TNS1: variants seen among roughly 807,000 people sequenced by gnomAD.
TNS1 encodes tensin 1.
Under a neutral mutation model 168.6 loss-of-function variants are expected in TNS1, and 62 were observed. That is an observed-to-expected ratio of 0.37 (90% CI 0.30 to 0.45). TNS1 has a LOEUF of 0.45. Among genes scored for constraint, TNS1 ranks in the 20% least tolerant of loss-of-function variants. The probability of loss-of-function intolerance (pLI) is 1.00; values close to 1 mark genes in which losing one functional copy is unlikely to be tolerated. For missense variants in TNS1, 2,240 were observed against 2,339.4 expected, an observed-to-expected ratio of 0.96 and a Z score of 0.88; for synonymous variants, 934 against 933.2, an observed-to-expected ratio of 1.00 and a Z score of -0.02.
chr2:217,927,408 G>A (rs567603718), intron 3 of TNS1, among the ~76,000 whole-genome samples: 1 of 152,296 alleles, frequency 6.6e-6, no homozygotes, highest in South Asian at 2.1e-4. Flanking sequence ...AATGCCCAGT[G>A]AAGGAGTTAA....
chr2:217,881,584 C>T (rs1010288684), intron 17 of TNS1: 1 of 153,988 alleles, frequency 6.5e-6, no homozygotes, highest in African/African-American at 2.4e-5. Flanking sequence ...CCACAGAAAA[C>T]CCAGCTCAGC....
intron 1 of TNS1, among the ~76,000 whole-genome samples, chr2:218,026,780 C>A (rs1958852658): frequency 6.6e-6 from 1 of 152,264 alleles, no homozygotes; most frequent in African/African-American, 2.4e-5. Context: ...CCCCTCCAAA[C>A]CCTCAAGGGC....
chr2:217,918,766 C>T (rs901549563), intron 4 of TNS1, among the ~76,000 whole-genome samples: 1 of 150,272 alleles, frequency 6.7e-6, no homozygotes, highest in Non-Finnish European at 1.5e-5. Flanking sequence ...CCGCCCTCCT[C>T]GGACTCCCAT....
chr2:217,833,061 A>G (rs1178575355), intron 21 of TNS1, among the ~76,000 whole-genome samples: 1 of 152,186 alleles, frequency 6.6e-6, no homozygotes, highest in Admixed American at 6.5e-5. Context: ...TGTCAAACCA[A>G]TGGCGGTTGA....
intron 17 of TNS1, chr2:217,881,734 A>G (rs1362367871): frequency 2.0e-5 from 3 of 152,288 alleles, no homozygotes; most frequent in Non-Finnish European, 4.4e-5. Context: ...AAGGTAAAAT[A>G]AAAATAAATA....
At chr2:217,971,112 A>G (rs1957764835) in intron 3 of TNS1, among the ~76,000 whole-genome samples, 1 of 152,198 alleles carries the variant, frequency 6.6e-6, no homozygotes, top group African/African-American at 2.4e-5. Flanking sequence ...ATACAACAAA[A>G]TGCATCCCTT....
Position 217,813,449 on chromosome 2 carries a change from T to C in TNS1, c.4862-142A>G, listed in dbSNP as rs544015474. The C allele has an allele frequency of 2.3e-3, 2,084 of 905,052 alleles. 2 individuals carry two copies. The highest frequency in any genetic ancestry group is 3.1e-3 in the Non-Finnish European group (1,799 of 585,886). The allele number at this position is 905,052 out of a possible 1,614,324, so 56.1% of individuals were successfully genotyped here. A position where few individuals can be genotyped will look rare whatever the true frequency, so the allele number is the denominator to read the frequency against. ...AAGAGAGAACGTGGCTGGAGCCCCATGGACTGCAGAGCCCACTGCTGCTCT... is the reference window on the plus strand; with the variant it reads ...AAGAGAGAACGTGGCTGGAGCCCCACGGACTGCAGAGCCCACTGCTGCTCT... On this transcript the variant is annotated intron_variant, in intron 26 of 32. Coordinates refer to ENST00000682258, the MANE Select transcript of TNS1 (RefSeq NM_001387777.1). The surrounding 1 kb of genome is among the most constrained non-coding windows in gnomAD (Gnocchi z 4.0).
chr2:217,888,297 CT>C (rs533429140), intron 12 of TNS1, among the ~76,000 whole-genome samples: 17 of 152,178 alleles, frequency 1.1e-4, no homozygotes, highest in Non-Finnish European at 2.2e-4. Context: ...CCCTGCCCTC[CT>C]CTCCTCCATC....
At chr2:217,944,424 G>A (rs1391145725) in intron 3 of TNS1, among the ~76,000 whole-genome samples, 2 of 152,234 alleles carry the variant, frequency 1.3e-5, no homozygotes, top group African/African-American at 4.8e-5. Flanking sequence ...CAGGTGCAGA[G>A]AAATGGCCAA....
At chr2:217,845,605 C>A (rs528072339) in intron 19 of TNS1, among the ~76,000 whole-genome samples, 1 of 152,330 alleles carries the variant, frequency 6.6e-6, no homozygotes, top group South Asian at 2.1e-4. Flanking sequence ...GAAATGGCAA[C>A]AGGGTTAGGG....
In TNS1 at chr2:217,813,403, C is replaced by A; in HGVS notation, c.4862-96G>T. The A allele has an allele frequency of 9.0e-7, 1 of 1,111,138 alleles. No individual in the cohort carries two copies. The highest frequency in any genetic ancestry group is 1.4e-5 in the South Asian group (1 of 73,312). 68.8% of individuals were successfully genotyped at this position (1,111,138 alleles called of 1,614,324 possible). ...TTCAAAACTTCCGCAGTGTGCGGGGCCAAGATGGGAGAAATGACTGAAGAG... is the reference window on the plus strand; with the variant it reads ...TTCAAAACTTCCGCAGTGTGCGGGGACAAGATGGGAGAAATGACTGAAGAG... On this transcript the variant is annotated intron_variant, in intron 26 of 32. Coordinates refer to ENST00000682258, the MANE Select transcript of TNS1 (RefSeq NM_001387777.1). This position sits in a 1 kb window ranked among gnomAD's most constrained non-coding sequence, Gnocchi z 4.0.
chr2:217,892,805 G>T, intron 11 of TNS1, 143 bp downstream of exon 11: 1 of 877,168 alleles, frequency 1.1e-6, no homozygotes, highest in Non-Finnish European at 1.7e-6. Flanking sequence ...CAGAGCCAGG[G>T]GCCCCTTCCC....
chr2:218,001,727 C>T (rs1259892389), intron 1 of TNS1, among the ~76,000 whole-genome samples: 8 of 152,088 alleles, frequency 5.3e-5, no homozygotes, highest in Admixed American at 2.6e-4. Flanking sequence ...TCATTCCAGG[C>T]CCCCTCCCCC....
At position 217,802,751 on chromosome 2, in the gene TNS1, C is replaced by T. The variant is rs576675478; in HGVS notation, c.*1708G>A. 4.6e-5 allele frequency: 7 copies of T among 152,750 alleles called. No homozygotes were observed. Among genetic ancestry groups the T allele is most frequent in the Non-Finnish European group, 8.8e-5 (6 of 68,016 alleles). The allele number at this position is 152,750 out of a possible 1,614,324, so 9.5% of individuals were successfully genotyped here. A position where few individuals can be genotyped will look rare whatever the true frequency, so the allele number is the denominator to read the frequency against. On this transcript the variant is annotated 3_prime_UTR_variant, in exon 33 of 33. Transcript: ENST00000682258. Reference sequence around the variant, plus strand: ...AAGGCAATAAAGCAATATGGAAAAACAATAAATACTTCTTGTCAATTTACC... The same window carrying T: ...AAGGCAATAAAGCAATATGGAAAAATAATAAATACTTCTTGTCAATTTACC...
chr2:217,959,856 C>G (rs999267868), intron 3 of TNS1, among the ~76,000 whole-genome samples: 4 of 151,688 alleles, frequency 2.6e-5, no homozygotes, highest in Non-Finnish European at 4.4e-5. Flanking sequence ...TCAGCTCTAG[C>G]CTCTCCAGGA....
chr2:218,003,027 AC>A (rs998824388), upstream of TNS1: 16 of 368,692 alleles, frequency 4.3e-5, no homozygotes, highest in African/African-American at 3.4e-4. Context: ...CCTCCAGCTC[AC>A]CCTCCCTCCT....
upstream of TNS1, among the ~76,000 whole-genome samples, chr2:218,011,530 C>T (rs1395188380): frequency 2.6e-5 from 4 of 152,160 alleles, no homozygotes; most frequent in Non-Finnish European, 5.9e-5. Flanking sequence ...CCCCCTGGGG[C>T]TGGGCTGCCC....
At chr2:217,901,918 T>A (rs1953039931) in intron 6 of TNS1, 1 of 152,260 alleles carries the variant, frequency 6.6e-6, no homozygotes, top group Non-Finnish European at 1.5e-5. Context: ...CATCCAGCTG[T>A]CCGGAAGAAG....
intron 1 of TNS1, among the ~76,000 whole-genome samples, chr2:217,996,035 C>CTGGGG (rs1342886933): frequency 2.0e-5 from 3 of 152,156 alleles, no homozygotes; most frequent in African/African-American, 7.2e-5. Flanking sequence ...GTCCTTGGCC[C>CTGGGG]TGGGGTGGGA....
Sources: allele counts gnomAD v4.1 joint callset (sites outside exome capture counted in the v4.1 genomes callset), GRCh38; gene constraint gnomAD v4.1.1; non-coding constraint Gnocchi (gnomAD v3.1); transcripts MANE v1.5; gene names NCBI Gene and HGNC (gene_info 2026-07-23, HGNC 2026-07-21).